Variants in LTF observed in about 807,000 individuals in gnomAD.
LTF encodes the protein epididymis luminal protein 110.
LTF carries 91 observed loss-of-function variants against 87.2 expected under a neutral mutation model. The ratio of observed to expected loss-of-function variants is 1.04; its 90% confidence interval spans 0.88 to 1.24. The LOEUF is 1.24. Ranked by LOEUF, LTF falls within the 50% of genes most tolerant of loss-of-function variation. The pLI is 0.00. For synonymous variants in LTF, 378 were observed against 356.1 expected, an observed-to-expected ratio of 1.06 and a Z score of -0.69; for missense variants, 901 against 904.3, an observed-to-expected ratio of 1.00 and a Z score of 0.05.
chr3:46,473,854 C>T (rs1324867316), intron 1 of LTF, among the ~76,000 whole-genome samples: 2 of 152,328 alleles, frequency 1.3e-5, no homozygotes, highest in African/African-American at 4.8e-5. Flanking sequence ...GGAATTAGGA[C>T]ATGGACATCT....
chr3:46,459,523 G>T, intron 2 of LTF, 133 bp downstream of exon 2: 1 of 827,016 alleles, frequency 1.2e-6, no homozygotes, highest in Non-Finnish European at 1.7e-6. Flanking sequence ...TTCCCTGTGA[G>T]AGAGGACGGC....
At chr3:46,483,537 GC>G (rs1345374061) in intron 1 of LTF, among the ~76,000 whole-genome samples, 1 of 152,164 alleles carries the variant, frequency 6.6e-6, no homozygotes, top group Admixed American at 6.5e-5. Context: ...CCTACCACCT[GC>G]CTGCATTTAT....
chr3:46,439,279 A>C lies in LTF; in HGVS notation c.1908+17T>G. ...CCCACACAGCTAAGAAAGCACTAGA[A>C]GCCCTGTGGTCCATACCTGTTGGTG... On this transcript the variant is annotated intron_variant, in intron 15 of 16. Transcript: ENST00000231751. 7 of 1,589,694 alleles carry C rather than the reference A, an allele frequency of 4.4e-6. No homozygotes were observed. Among genetic ancestry groups the C allele is most frequent in the Non-Finnish European group, 6.0e-6 (7 of 1,168,068 alleles).
Position 46,439,538 on chromosome 3 carries a change from C to T in LTF, c.1724-58G>A, listed in dbSNP as rs566158736. The T allele has an allele frequency of 5.4e-6, 8 of 1,494,660 alleles. No individual in the cohort carries two copies. In the Admixed American group the frequency reaches 1.2e-4, roughly 22 times the overall value. 92.6% of individuals were successfully genotyped at this position (1,494,660 alleles called of 1,614,324 possible). A position where few individuals can be genotyped will look rare whatever the true frequency, so the allele number is the denominator to read the frequency against. ...CCTCCCCTGCTTAGCCAAGAAGTCTCTTCTGGGTGGGTGTGGCCATTCCAC... is the reference window on the plus strand; with the variant it reads ...CCTCCCCTGCTTAGCCAAGAAGTCTTTTCTGGGTGGGTGTGGCCATTCCAC... On this transcript the variant is annotated intron_variant, in intron 14 of 16. Transcript: ENST00000231751.
chr3:46,465,757 G>A (rs139495334), upstream of LTF, among the ~76,000 whole-genome samples: 69 of 152,226 alleles, frequency 4.5e-4, no homozygotes, highest in African/African-American at 1.2e-3. Flanking sequence ...AATACATCTC[G>A]TAAATACATT....
At chr3:46,454,130 T>G in intron 6 of LTF, 175 bp downstream of exon 6, 2 of 652,594 alleles carry the variant, frequency 3.1e-6, no homozygotes, top group Non-Finnish European at 5.4e-6. Context: ...GCACAGGAGG[T>G]TTGAAGAAAA....
intron 6 of LTF, among the ~76,000 whole-genome samples, chr3:46,451,792 A>G (rs1357248865): frequency 6.6e-6 from 1 of 152,088 alleles, no homozygotes; most frequent in Non-Finnish European, 1.5e-5. Context: ...ATGGGGTTTC[A>G]CCATGTTGGC....
intron 10 of LTF, 48 bp downstream of exon 10, chr3:46,447,260 C>A: frequency 7.2e-7 from 1 of 1,397,516 alleles, no homozygotes; most frequent in Non-Finnish European, 1.0e-6. Flanking sequence ...CATAGCCCCA[C>A]TCCCATGACC....
Position 46,454,332 on chromosome 3 carries a change from C to T in LTF, c.676G>A (p.Ala226Thr), listed in dbSNP as rs1450472065. 1 of 1,614,054 alleles carries T rather than the reference C, an allele frequency of 6.2e-7. No homozygotes were observed. Among genetic ancestry groups the T allele is most frequent in the East Asian group, 2.2e-5 (1 of 44,890 alleles). The change falls in exon 6 of 17, where the codon GCT becomes ACT. Residue 226 changes from alanine to threonine, a missense_variant. Physicochemically the swap from Ala to Thr is moderately conservative, Grantham distance 58. Transcript: ENST00000231751. Reference protein sequence around the residue: ...KCLRDGAGDVAFIRESTVFED... With the variant: ...KCLRDGAGDVTFIRESTVFED... ...AACACTGTGCTCTCTCTGATAAAAG[C>T]CACGTCTCCAGCCCCGTCTCTCAGA...
chr3:46,476,428 T>C (rs1005828768), intron 1 of LTF, among the ~76,000 whole-genome samples: 1 of 152,234 alleles, frequency 6.6e-6, no homozygotes, highest in African/African-American at 2.4e-5. Context: ...AGATAATCAT[T>C]TGATTTTTCT....
chr3:46,443,790 G>A (rs189070850), intron 12 of LTF, among the ~76,000 whole-genome samples: 1 of 152,294 alleles, frequency 6.6e-6, no homozygotes, highest in East Asian at 1.9e-4. Context: ...GGCACAGATG[G>A]ACACCCAACT....
At position 46,459,685 on chromosome 3, in the gene LTF, A is replaced by C; in HGVS notation, c.178T>G (p.Ser60Ala). Residue 60 changes from serine to alanine, a missense_variant, in exon 2 of 17, where the codon TCC becomes GCC. Coordinates refer to ENST00000231751, the MANE Select transcript of LTF (RefSeq NM_002343.6). ...GPPVSCIKRD[S>A]PIQCIQAIAE... is the part of the protein sequence containing the mutation. ...ATGGCCTGGATACACTGGATGGGGGAGTCTCTCTTTATGCAGCTGACAGGA... is the reference window on the plus strand; with the variant it reads ...ATGGCCTGGATACACTGGATGGGGGCGTCTCTCTTTATGCAGCTGACAGGA... 1 of 1,554,028 alleles carries C rather than the reference A, an allele frequency of 6.4e-7. No individual in the cohort carries two copies. Among genetic ancestry groups the C allele is most frequent in the Non-Finnish European group, 8.7e-7 (1 of 1,153,604 alleles).
intron 1 of LTF, chr3:46,460,568 G>A: frequency 4.4e-6 from 2 of 455,970 alleles, no homozygotes; most frequent in Non-Finnish European, 8.8e-6. Context: ...TACTCACCTG[G>A]TTGCCTGATA....
At chr3:46,475,363 A>C (rs1247763755) in intron 1 of LTF, among the ~76,000 whole-genome samples, 1 of 152,170 alleles carries the variant, frequency 6.6e-6, no homozygotes, top group East Asian at 1.9e-4. Context: ...AATTCCACAC[A>C]ACCTCTTCCA....
At chr3:46,450,456 C>T in intron 7 of LTF, 39 bp downstream of exon 7, 1 of 1,572,808 alleles carries the variant, frequency 6.4e-7, no homozygotes, top group Non-Finnish European at 8.6e-7. Context: ...CCCTGCCCCC[C>T]ATATCCAAGC....
At chr3:46,478,329 C>G (rs184461522) in intron 1 of LTF, among the ~76,000 whole-genome samples, 24 of 152,308 alleles carry the variant, frequency 1.6e-4, no homozygotes, top group Non-Finnish European at 1.0e-4. Flanking sequence ...TCTCTCTCCC[C>G]CTCCAAGGGT....
At position 46,437,447 on chromosome 3, in the gene LTF, A is replaced by G. The variant is rs183712968; in HGVS notation, c.2098+493T>C. On this transcript the variant is annotated intron_variant, in intron 16 of 16. Coordinates refer to ENST00000231751, the MANE Select transcript of LTF (RefSeq NM_002343.6). ...GCAATCCTCCTATTTCAGCCTCTCAAGTAGCTGGGACTAGAGGTGCTTGAC... is the reference window on the plus strand; with the variant it reads ...GCAATCCTCCTATTTCAGCCTCTCAGGTAGCTGGGACTAGAGGTGCTTGAC... Among the ~76,000 whole-genome samples the G allele has an allele frequency of 1.1e-4, 9 of 79,576 alleles. No homozygotes were observed. The East Asian group carries it at 2.4e-3, about 21-fold the overall frequency. The allele number at this position is 79,576 out of a possible 152,430, so 52.2% of individuals were successfully genotyped here.
In LTF at chr3:46,436,740, A is replaced by G. The variant is rs1702395038; in HGVS notation, c.2099-511T>C. 2.0e-5 allele frequency among the ~76,000 whole-genome samples: 3 copies of G among 152,256 alleles called. No homozygotes were observed. The South Asian group carries it at 6.2e-4, about 31-fold the overall frequency. ...TGGCTGCTCACAAGAAGAGCCCTGT[A>G]GCCATATTTCTCAGAGGGTGGTCCT... On this transcript the variant is annotated intron_variant, in intron 16 of 16. Coordinates refer to ENST00000231751, the MANE Select transcript of LTF (RefSeq NM_002343.6).
At chr3:46,481,777 C>A (rs1703434386) in intron 1 of LTF, among the ~76,000 whole-genome samples, 1 of 152,120 alleles carries the variant, frequency 6.6e-6, no homozygotes, top group African/African-American at 2.4e-5. Context: ...ACTAAAAAAC[C>A]ACCAACAGAT....
Sources: allele counts gnomAD v4.1 joint callset (sites outside exome capture counted in the v4.1 genomes callset), GRCh38; gene constraint gnomAD v4.1.1; transcripts MANE v1.5; gene names NCBI Gene and HGNC (gene_info 2026-07-23, HGNC 2026-07-21).